The following KCNH7 variants were observed in gnomAD, a reference collection of about 807,000 sequenced individuals.
KCNH7 encodes the protein voltage-gated inwardly rectifying potassium channel KCNH7.
A neutral mutation model predicts 120.8 loss-of-function variants in KCNH7; 49 were observed. The ratio of observed to expected loss-of-function variants is 0.41; its 90% CI spans 0.32 to 0.51. The LOEUF is 0.51. KCNH7 is among the 20% of genes least tolerant of loss of function. KCNH7 has a pLI of 0.38. For synonymous variants in KCNH7, 547 were observed against 516.1 expected, an observed-to-expected ratio of 1.06 and a Z score of -0.81; for missense variants, 1,097 against 1,446.6, an observed-to-expected ratio of 0.76 and a Z score of 3.92.
chr2:162,769,034 C>G (rs760667066), intron 2 of KCNH7: 2 of 152,118 alleles, frequency 1.3e-5, no homozygotes, highest in Non-Finnish European at 1.5e-5. Context: ...AAATAATTTC[C>G]GTTGTCAGAT....
Position 162,483,538 on chromosome 2 carries a change from GT to G in KCNH7, c.1128+20904del, listed in dbSNP as rs11399272. Among the ~76,000 whole-genome samples, 282 of 144,510 alleles carry G rather than the reference GT, an allele frequency of 2.0e-3. 2 individuals carry two copies. The highest frequency in any genetic ancestry group is 0.011 in the Middle Eastern group (3 of 274). The allele number at this position is 144,510 out of a possible 152,430, so 94.8% of individuals were successfully genotyped here. A position where few individuals can be genotyped will look rare whatever the true frequency, so the allele number is the denominator to read the frequency against. On this transcript the variant is annotated intron_variant, in intron 6 of 15. Coordinates refer to ENST00000332142, the MANE Select transcript of KCNH7 (RefSeq NM_033272.4). ...GGAATGGGAGTTCACTGTATTCTTT[GT>G]TTTTTTTTTTAATATTCTTGAATAT...
chr2:162,739,613 C>G (rs1688050089), intron 2 of KCNH7, among the ~76,000 whole-genome samples: 1 of 152,134 alleles, frequency 6.6e-6, no homozygotes. Flanking sequence ...TTCTGTCTCC[C>G]TTAGAGGCTG....
intron 5 of KCNH7, among the ~76,000 whole-genome samples, chr2:162,505,843 CT>C: frequency 6.6e-6 from 1 of 151,850 alleles, no homozygotes; most frequent in Non-Finnish European, 1.5e-5. Context: ...TCAAAATGTA[CT>C]TTAAGCATCA....
At chr2:162,460,067 C>G (rs1261201019) in intron 6 of KCNH7, among the ~76,000 whole-genome samples, 1 of 142,530 alleles carries the variant, frequency 7.0e-6, no homozygotes. Context: ...GCACTCCAGC[C>G]TAGGTGACAG....
At chr2:162,685,280 CA>C (rs1685849542) in intron 2 of KCNH7, among the ~76,000 whole-genome samples, 1 of 151,898 alleles carries the variant, frequency 6.6e-6, no homozygotes, top group South Asian at 2.1e-4. Context: ...ACCACCATGG[CA>C]CATGTATACC....
chr2:162,489,621 A>T (rs1361482671), intron 6 of KCNH7, among the ~76,000 whole-genome samples: 2 of 152,244 alleles, frequency 1.3e-5, no homozygotes, highest in Non-Finnish European at 2.9e-5. Context: ...ATGTTTTTAT[A>T]TCAGCCAGAG....
At chr2:162,727,283 GA>G (rs1338843850) in intron 2 of KCNH7, among the ~76,000 whole-genome samples, 5 of 151,958 alleles carry the variant, frequency 3.3e-5, no homozygotes, top group African/African-American at 7.3e-5. Context: ...TTTTTATTAA[GA>G]TTTTTTTGTC....
intron 2 of KCNH7, chr2:162,785,026 G>A (rs1410706980): frequency 6.6e-6 from 1 of 152,190 alleles, no homozygotes; most frequent in Non-Finnish European, 1.5e-5. Context: ...TATGAAGGAT[G>A]AGGAAAAGGG....
At chr2:162,400,540 T>C in intron 9 of KCNH7, 99 bp from the exon 10 acceptor site, 24 of 1,215,524 alleles carry the variant, frequency 2.0e-5, no homozygotes, top group Non-Finnish European at 2.7e-5. Flanking sequence ...GGTGTAGTCA[T>C]TGCCACGCAG....
intron 2 of KCNH7, among the ~76,000 whole-genome samples, chr2:162,692,975 T>C (rs1686167970): frequency 6.6e-6 from 1 of 152,088 alleles, no homozygotes; most frequent in South Asian, 2.1e-4. Flanking sequence ...AAAGGAAAAC[T>C]GCATGGTCAT....
chr2:162,511,945 ATGG>A (rs913196919), intron 5 of KCNH7, among the ~76,000 whole-genome samples: 2 of 151,744 alleles, frequency 1.3e-5, no homozygotes, highest in African/African-American at 4.8e-5. Context: ...TGATAATAAT[ATGG>A]TTATCATATT....
At chr2:162,671,450 G>C (rs1224882068) in intron 2 of KCNH7, among the ~76,000 whole-genome samples, 1 of 150,446 alleles carries the variant, frequency 6.6e-6, no homozygotes, top group African/African-American at 2.4e-5. Flanking sequence ...TAAGTGAAAT[G>C]ACTCAGAAAC....
At chr2:162,461,482 T>A (rs1171475908) in intron 6 of KCNH7, among the ~76,000 whole-genome samples, 1 of 152,192 alleles carries the variant, frequency 6.6e-6, no homozygotes, top group Admixed American at 6.6e-5. Context: ...TTAGGGATAT[T>A]TAACCAGAAT....
chr2:162,412,563 C>T (rs540469622), intron 9 of KCNH7, among the ~76,000 whole-genome samples: 1 of 152,122 alleles, frequency 6.6e-6, no homozygotes, highest in Non-Finnish European at 1.5e-5. Context: ...TACTGACAAA[C>T]ATTAGTGACC....
intron 2 of KCNH7, among the ~76,000 whole-genome samples, chr2:162,790,768 GAC>G (rs1459821257): frequency 6.6e-6 from 1 of 151,952 alleles, no homozygotes; most frequent in African/African-American, 2.4e-5. Context: ...AAAGGCATTT[GAC>G]ACAATTCACA....
rs116634411 is a variant in KCNH7, at chr2:162,648,698, C to T, written c.308-111618G>A. ...GTGGCCCAGAGCCAAATCCAGGTTT[C>T]CACCTGTTTTTTTATGATTTTGTCT... On this transcript the variant is annotated intron_variant, in intron 2 of 15. Transcript: ENST00000332142. Among the ~76,000 whole-genome samples the T allele has an allele frequency of 4.8e-3, 728 of 152,250 alleles. 1 individual carries two copies. The highest frequency in any genetic ancestry group is 7.8e-3 in the Non-Finnish European group (529 of 68,010).
intron 2 of KCNH7, among the ~76,000 whole-genome samples, chr2:162,803,901 CTGAG>C (rs1684436392): frequency 6.8e-6 from 1 of 147,160 alleles, no homozygotes; most frequent in South Asian, 2.1e-4. Context: ...TATGACATGC[CTGAG>C]TGTTTCCAAT....
chr2:162,579,947 T>G (rs995824213), intron 2 of KCNH7, among the ~76,000 whole-genome samples: 2 of 152,076 alleles, frequency 1.3e-5, no homozygotes, highest in East Asian at 3.9e-4. Context: ...ATAACTTGTT[T>G]TCTTGGATTG....
chr2:162,649,297 T>C (rs1028051810), intron 2 of KCNH7, among the ~76,000 whole-genome samples: 4 of 152,226 alleles, frequency 2.6e-5, no homozygotes, highest in Admixed American at 2.6e-4. Flanking sequence ...AGAATAATTA[T>C]GTCACAAGAC....
Sources: gnomAD v4.1 joint callset for allele counts (sites outside exome capture counted in the v4.1 genomes callset) on GRCh38, gnomAD v4.1.1 for gene constraint, MANE v1.5 for transcripts, NCBI Gene and HGNC (gene_info 2026-07-23, HGNC 2026-07-21) for gene names.